The following CEP112 variants were observed in gnomAD, a reference collection of about 807,000 sequenced individuals.
CEP112 encodes the protein centrosomal protein 112.
Under a neutral mutation model 153.0 loss-of-function variants are expected in CEP112, and 127 were observed. That is an observed-to-expected ratio of 0.83 (90% CI 0.72 to 0.96). CEP112 has a LOEUF of 0.96. Ranked by LOEUF, CEP112 falls within the 40% of genes least tolerant of loss-of-function variation. CEP112 has a pLI of 0.00. For synonymous variants in CEP112, 358 were observed against 374.4 expected, an observed-to-expected ratio of 0.96 and a Z score of 0.51; for missense variants, 1,089 against 1,101.2, an observed-to-expected ratio of 0.99 and a Z score of 0.16.
chr17:65,970,690 T>C (rs970969958), intron 17 of CEP112, among the ~76,000 whole-genome samples: 1 of 151,898 alleles, frequency 6.6e-6, no homozygotes, highest in African/African-American at 2.4e-5. Context: ...ATCACACACA[T>C]GCATATTACA....
At chr17:66,107,214 T>C (rs554971085) in intron 6 of CEP112, among the ~76,000 whole-genome samples, 2 of 152,230 alleles carry the variant, frequency 1.3e-5, no homozygotes, top group East Asian at 3.9e-4. Context: ...ACTGAAAGCC[T>C]TTCCTATAAG....
intron 20 of CEP112, among the ~76,000 whole-genome samples, chr17:65,884,364 G>A (rs1598881751): frequency 6.6e-6 from 1 of 152,270 alleles, no homozygotes; most frequent in East Asian, 1.9e-4. Flanking sequence ...TAGCTAGTCA[G>A]GGTAATAAAA....
intron 10 of CEP112, among the ~76,000 whole-genome samples, chr17:66,066,246 T>G (rs2146043951): frequency 6.6e-6 from 1 of 152,338 alleles, no homozygotes; most frequent in Middle Eastern, 3.4e-3. Context: ...TAATACTTGA[T>G]TACATGCTTT....
chr17:66,090,854 T>C (rs568224301), intron 8 of CEP112, among the ~76,000 whole-genome samples: 24 of 152,146 alleles, frequency 1.6e-4, no homozygotes, highest in African/African-American at 5.8e-4. Context: ...GGAAAAGATA[T>C]CTCATGCAAA....
intron 4 of CEP112, among the ~76,000 whole-genome samples, chr17:66,158,351 A>AGT (rs557849924): frequency 1.6e-4 from 24 of 152,234 alleles, no homozygotes; most frequent in African/African-American, 5.1e-4. Flanking sequence ...AGTAGCTCAC[A>AGT]CCTGTAATCC....
At chr17:66,131,546 C>G (rs2070165105) in intron 5 of CEP112, among the ~76,000 whole-genome samples, 1 of 151,492 alleles carries the variant, frequency 6.6e-6, no homozygotes, top group Non-Finnish European at 1.5e-5. Flanking sequence ...TCAAGACCAT[C>G]CTGACTAACA....
intron 20 of CEP112, 60 bp from the exon 21 acceptor site, chr17:65,852,094 A>T: frequency 8.6e-7 from 1 of 1,169,076 alleles, no homozygotes; most frequent in Non-Finnish European, 1.2e-6. Flanking sequence ...ACAAAAGAAG[A>T]ACCAATGGGC....
chr17:65,799,748 A>T (rs1475057814), intron 21 of CEP112, among the ~76,000 whole-genome samples: 2 of 152,248 alleles, frequency 1.3e-5, no homozygotes, highest in African/African-American at 4.8e-5. Context: ...ACTGAACAAA[A>T]GGAAATAACT....
rs1443180195 is a variant in CEP112 at position 65,636,085 on chromosome 17, T to A, written c.2865-111A>T. On this transcript the variant is annotated intron_variant, in intron 26 of 26. Coordinates refer to ENST00000535342, the MANE Select transcript of CEP112 (RefSeq NM_001199165.4). ...GATAGGGGTTGAAAAGGCTATTTGA[T>A]ATCAAAATGTCATAATTTATGCTTA... The A allele has an allele frequency of 5.1e-6, 5 of 986,878 alleles. No individual in the cohort carries two copies. The East Asian group carries it at 1.3e-4, about 26-fold the overall frequency. The allele number at this position is 986,878 out of a possible 1,614,324, so 61.1% of individuals were successfully genotyped here. A position where few individuals can be genotyped will look rare whatever the true frequency, so the allele number is the denominator to read the frequency against.
intron 9 of CEP112, 135 bp from the exon 10 acceptor site, chr17:66,067,012 T>C: frequency 2.5e-6 from 1 of 394,838 alleles, no homozygotes; most frequent in Admixed American, 7.5e-5. Flanking sequence ...ACTGTGAAAT[T>C]ATAAACACAC....
At chr17:65,897,665 T>C (rs2059703369) in intron 20 of CEP112, among the ~76,000 whole-genome samples, 1 of 152,076 alleles carries the variant, frequency 6.6e-6, no homozygotes, top group Admixed American at 6.6e-5. Context: ...TACAAAATTA[T>C]ATTTCTTAAA....
intron 6 of CEP112, among the ~76,000 whole-genome samples, chr17:66,115,120 A>T (rs552494978): frequency 2.6e-5 from 4 of 152,124 alleles, no homozygotes; most frequent in Admixed American, 2.6e-4. Flanking sequence ...CAGGAGAATC[A>T]CTTAAACCTG....
At chr17:66,164,777 C>T (rs1037690851) in intron 4 of CEP112, among the ~76,000 whole-genome samples, 1 of 151,624 alleles carries the variant, frequency 6.6e-6, no homozygotes, top group Admixed American at 6.6e-5. Flanking sequence ...ATTGCTTGAA[C>T]ACAGAAGGCA....
chr17:66,018,803 T>C (rs1472144650), intron 16 of CEP112, among the ~76,000 whole-genome samples: 1 of 152,210 alleles, frequency 6.6e-6, no homozygotes, highest in Non-Finnish European at 1.5e-5. Context: ...TGATTTTAAG[T>C]AGATATTTCA....
chr17:65,734,005 G>A (rs1270779364), intron 23 of CEP112, among the ~76,000 whole-genome samples: 2 of 152,166 alleles, frequency 1.3e-5, no homozygotes, highest in Admixed American at 6.5e-5. Context: ...TCATTCACTG[G>A]GGACACTCAC....
chr17:66,100,271 C>T (rs1260734718), intron 6 of CEP112, among the ~76,000 whole-genome samples: 1 of 151,384 alleles, frequency 6.6e-6, no homozygotes, highest in Admixed American at 6.6e-5. Context: ...GTGGTGGTGG[C>T]AGCCTGTAGT....
At chr17:65,867,747 G>A (rs1038465763) in intron 20 of CEP112, among the ~76,000 whole-genome samples, 1 of 151,746 alleles carries the variant, frequency 6.6e-6, no homozygotes, top group Non-Finnish European at 1.5e-5. Context: ...TTATTACTAT[G>A]TATTTCCCAT....
chr17:65,707,700 C>G (rs996191840), intron 23 of CEP112, among the ~76,000 whole-genome samples: 2 of 152,072 alleles, frequency 1.3e-5, no homozygotes, highest in African/African-American at 4.8e-5. Flanking sequence ...TTGTCAGGAA[C>G]GTATAAGCAT....
At chr17:65,902,687 T>C (rs2059919954) in intron 19 of CEP112, among the ~76,000 whole-genome samples, 2 of 152,100 alleles carry the variant, frequency 1.3e-5, no homozygotes, top group Non-Finnish European at 1.5e-5. Context: ...TTTGCTTAAA[T>C]ATACACATGT....
Sources: allele counts gnomAD v4.1 joint callset (sites outside exome capture counted in the v4.1 genomes callset), GRCh38; gene constraint gnomAD v4.1.1; transcripts MANE v1.5; gene names NCBI Gene and HGNC (gene_info 2026-07-23, HGNC 2026-07-21).